Variants in SUCLG2 observed in about 807,000 individuals in gnomAD.
SUCLG2 encodes succinate-CoA ligase GDP-forming subunit beta.
A neutral mutation model predicts 47.9 loss-of-function variants in SUCLG2; 42 were observed. That is an observed-to-expected ratio of 0.88 (90% confidence interval 0.69 to 1.14). The LOEUF is 1.14. SUCLG2 is among the 50% of genes most tolerant of loss of function. The probability of loss-of-function intolerance (pLI) is 0.00; values close to 1 mark genes in which losing one functional copy is unlikely to be tolerated. For synonymous variants in SUCLG2, 195 were observed against 197.3 expected, an observed-to-expected ratio of 0.99 and a Z score of 0.10; for missense variants, 571 against 525.9, an observed-to-expected ratio of 1.09 and a Z score of -0.84.
intron 10 of SUCLG2, among the ~76,000 whole-genome samples, chr3:67,384,337 A>C (rs1702216993): frequency 6.6e-6 from 1 of 152,106 alleles, no homozygotes; most frequent in African/African-American, 2.4e-5. Context: ...TCTTTTCTAC[A>C]CTAGGGATCT....
At chr3:67,481,469 T>A (rs140155690) in intron 9 of SUCLG2, among the ~76,000 whole-genome samples, 53 of 152,358 alleles carry the variant, frequency 3.5e-4, no homozygotes, top group African/African-American at 1.2e-3. Flanking sequence ...GTAGTTTGTC[T>A]GTCCCTACTT....
intron 9 of SUCLG2, among the ~76,000 whole-genome samples, chr3:67,413,260 A>G (rs934246780): frequency 4.6e-5 from 7 of 152,158 alleles, no homozygotes; most frequent in African/African-American, 1.4e-4. Flanking sequence ...TCAGCACTAA[A>G]ACGGCTTCAT....
At chr3:67,604,634 G>C (rs1575810412) in intron 2 of SUCLG2, among the ~76,000 whole-genome samples, 1 of 134,468 alleles carries the variant, frequency 7.4e-6, no homozygotes, top group Non-Finnish European at 1.6e-5. Flanking sequence ...ATTTCAGCTG[G>C]GTAAGTAGGG....
At chr3:67,492,569 T>G (rs994084699) in intron 9 of SUCLG2, among the ~76,000 whole-genome samples, 1 of 152,214 alleles carries the variant, frequency 6.6e-6, no homozygotes, top group African/African-American at 2.4e-5. Flanking sequence ...TAGAATTCTT[T>G]AAATCAAAAT....
rs566026324 is a variant in SUCLG2 at position 67,652,451 on chromosome 3, T to A, written c.84+2052A>T. On this transcript the variant is annotated intron_variant, in intron 1 of 10. Coordinates refer to ENST00000307227, the MANE Select transcript of SUCLG2 (RefSeq NM_003848.4). ...AGAAGTGGGCCATGTTTAACTGCAA[T>A]GTCTGCCACGGGCAAGGGACTATGG... 2.0e-5 allele frequency among the ~76,000 whole-genome samples: 3 copies of A among 152,210 alleles called. No homozygotes were observed. The South Asian group carries it at 6.2e-4, about 32-fold the overall frequency.
chr3:67,504,692 T>G lies in SUCLG2; in HGVS notation c.757+4115A>C, dbSNP rs138760825. Reference sequence around the variant, plus strand: ...AGTTGTGATGACTAAAAATGTTCCCTGGGGGACAAAATGCCCACCCTTCCC... The same window carrying G: ...AGTTGTGATGACTAAAAATGTTCCCGGGGGGACAAAATGCCCACCCTTCCC... On this transcript the variant is annotated intron_variant, in intron 7 of 10. Coordinates refer to ENST00000307227, the MANE Select transcript of SUCLG2 (RefSeq NM_003848.4). Among the ~76,000 whole-genome samples the G allele has an allele frequency of 4.6e-3, 700 of 152,256 alleles. 2 individuals carry two copies. Among genetic ancestry groups the G allele is most frequent in the Non-Finnish European group, 7.1e-3 (484 of 68,024 alleles).
chr3:67,610,310 A>G (rs1700504868), intron 1 of SUCLG2, among the ~76,000 whole-genome samples: 1 of 152,184 alleles, frequency 6.6e-6, no homozygotes, highest in Non-Finnish European at 1.5e-5. Context: ...CTAGTTCCTA[A>G]ACTGCAACTT....
At chr3:67,533,501 T>C (rs1706455968) in intron 2 of SUCLG2, among the ~76,000 whole-genome samples, 1 of 152,162 alleles carries the variant, frequency 6.6e-6, no homozygotes, top group South Asian at 2.1e-4. Context: ...GAATTCCTAA[T>C]TGAGAAAGTT....
intron 6 of SUCLG2, among the ~76,000 whole-genome samples, chr3:67,510,172 T>C (rs941082527): frequency 6.6e-6 from 1 of 152,202 alleles, no homozygotes; most frequent in African/African-American, 2.4e-5. Context: ...CTTAAAGTAC[T>C]CAGCTCTTGC....
intron 9 of SUCLG2, among the ~76,000 whole-genome samples, chr3:67,451,483 C>G (rs1054610298): frequency 6.6e-6 from 1 of 152,124 alleles, no homozygotes; most frequent in Non-Finnish European, 1.5e-5. Context: ...GTTAAATAAT[C>G]CTCAAGGGAG....
rs1704325445 is a variant in SUCLG2, at chr3:67,461,264, T to C, written c.1062+34534A>G. Among the ~76,000 whole-genome samples the C allele has an allele frequency of 3.3e-5, 5 of 152,308 alleles. No individual in the cohort carries two copies. In the South Asian group the frequency reaches 8.3e-4, roughly 25 times the overall value. The stretch of plus-strand genomic sequence containing the variant: ...ACGCTCCAAACGATACTCAGGGTTC[T>C]CAACATTAACAGTGCATTGAAGCCA... On this transcript the variant is annotated intron_variant, in intron 9 of 10. Transcript: ENST00000307227.
rs370357736 is a variant in SUCLG2, at chr3:67,618,246, C to T, written c.85-8650G>A. Among the ~76,000 whole-genome samples, 55 of 152,170 alleles carry T rather than the reference C, an allele frequency of 3.6e-4. 1 individual carries two copies. The East Asian group carries it at 8.7e-3, about 24-fold the overall frequency. On this transcript the variant is annotated intron_variant, in intron 1 of 10. Transcript: ENST00000307227. ...ACCATCCTGGCCAACATGGTGAAAG[C>T]CCGTCTCTACTAAGAATACAAAAAT...
chr3:67,393,964 G>C (rs6771322), intron 10 of SUCLG2, among the ~76,000 whole-genome samples: 28,821 of 152,076 alleles, frequency 0.19, 2,860 homozygotes, highest in Admixed American at 0.28. Flanking sequence ...TGAGGGTCCT[G>C]TCTGTTAGAA....
At chr3:67,583,928 A>G (rs1707945539) in intron 2 of SUCLG2, among the ~76,000 whole-genome samples, 1 of 152,220 alleles carries the variant, frequency 6.6e-6, no homozygotes, top group African/African-American at 2.4e-5. Context: ...TAATCTCCTG[A>G]TCTTAAGGTC....
At chr3:67,418,350 T>C (rs1367347340) in intron 9 of SUCLG2, among the ~76,000 whole-genome samples, 1 of 152,176 alleles carries the variant, frequency 6.6e-6, no homozygotes, top group Non-Finnish European at 1.5e-5. Flanking sequence ...TGAGCTATGA[T>C]TTTATTACCA....
chr3:67,390,046 T>C (rs1008050828), intron 10 of SUCLG2, among the ~76,000 whole-genome samples: 5 of 152,312 alleles, frequency 3.3e-5, no homozygotes, highest in African/African-American at 1.2e-4. Flanking sequence ...GTACATAATT[T>C]TTATTGCTAA....
intron 9 of SUCLG2, among the ~76,000 whole-genome samples, chr3:67,417,413 G>C (rs887767185): frequency 6.6e-6 from 1 of 152,168 alleles, no homozygotes; most frequent in South Asian, 2.1e-4. Context: ...ACTGTATTCA[G>C]AACAAGTACC....
chr3:67,504,117 TG>T (rs1226337142), intron 7 of SUCLG2, among the ~76,000 whole-genome samples: 5 of 152,210 alleles, frequency 3.3e-5, no homozygotes, highest in Non-Finnish European at 7.3e-5. Context: ...AAACACGCCT[TG>T]CCAAAATGGC....
Position 67,400,255 on chromosome 3 carries a change from A to AT in SUCLG2, c.1183+475_1183+476insA, listed in dbSNP as rs534671462. Among the ~76,000 whole-genome samples the AT allele has an allele frequency of 6.9e-3, 1,041 of 151,852 alleles. 12 individuals carry two copies. The highest frequency in any genetic ancestry group is 0.024 in the African/African-American group (986 of 41,490). ...AAAATATATAATACATATGATATAT[A>AT]AAATATACCATAAAATATACAAATT... On this transcript the variant is annotated intron_variant, in intron 10 of 10. Transcript: ENST00000307227.
Sources: gnomAD v4.1 joint callset for allele counts (sites outside exome capture counted in the v4.1 genomes callset) on GRCh38, gnomAD v4.1.1 for gene constraint, MANE v1.5 for transcripts, NCBI Gene and HGNC (gene_info 2026-07-23, HGNC 2026-07-21) for gene names.